Variants in SCFD2 observed in about 807,000 individuals in gnomAD.
SCFD2 encodes the protein sec1 family domain-containing protein 2.
Under a neutral mutation model 58.9 loss-of-function variants are expected in SCFD2, and 54 were observed. The ratio of observed to expected loss-of-function variants is 0.92; its 90% CI spans 0.74 to 1.15. The LOEUF is 1.15. SCFD2 is among the 50% of genes most tolerant of loss of function. The pLI, the probability that SCFD2 is intolerant of heterozygous loss-of-function variation, is 0.00. For missense variants in SCFD2, 805 were observed against 836.6 expected, an observed-to-expected ratio of 0.96 and a Z score of 0.47; for synonymous variants, 321 against 335.9, an observed-to-expected ratio of 0.96 and a Z score of 0.49.
intron 5 of SCFD2, among the ~76,000 whole-genome samples, chr4:53,042,829 C>T (rs1722933541): frequency 6.6e-6 from 1 of 152,086 alleles, no homozygotes; most frequent in South Asian, 2.1e-4. Context: ...GGAGCAGCCT[C>T]CTGTAGTTTC....
chr4:52,946,671 T>G (rs925534760), intron 5 of SCFD2, among the ~76,000 whole-genome samples: 8 of 152,188 alleles, frequency 5.3e-5, no homozygotes, highest in African/African-American at 1.9e-4. Flanking sequence ...AAGCCACTTA[T>G]TTTAATTTCT....
intron 5 of SCFD2, among the ~76,000 whole-genome samples, chr4:53,126,376 C>A (rs979736162): frequency 6.6e-6 from 1 of 152,180 alleles, no homozygotes; most frequent in South Asian, 2.1e-4. Flanking sequence ...AGTGCAGTGG[C>A]GTGATCTCGG....
At chr4:53,249,345 G>C (rs1319820974) in intron 4 of SCFD2, among the ~76,000 whole-genome samples, 3 of 152,302 alleles carry the variant, frequency 2.0e-5, no homozygotes, top group South Asian at 2.1e-4. Context: ...GTACCTGAAA[G>C]TGACAGGGAG....
At chr4:53,339,112 T>A (rs1038273421) in intron 2 of SCFD2, among the ~76,000 whole-genome samples, 2 of 152,054 alleles carry the variant, frequency 1.3e-5, no homozygotes, top group Non-Finnish European at 2.9e-5. Context: ...ACAATGAACT[T>A]TTTTTCTTCA....
At chr4:53,061,336 G>A (rs919698977) in intron 5 of SCFD2, among the ~76,000 whole-genome samples, 5 of 152,048 alleles carry the variant, frequency 3.3e-5, no homozygotes, top group African/African-American at 7.2e-5. Context: ...AACAATGCTC[G>A]AGGATGGTAT....
intron 7 of SCFD2, among the ~76,000 whole-genome samples, chr4:52,897,686 G>T (rs576330509): frequency 6.6e-4 from 101 of 152,250 alleles, no homozygotes; most frequent in African/African-American, 2.3e-3. Context: ...AGTTAGGGAG[G>T]ATTCCCTCTT....
At chr4:53,033,929 C>A (rs529582701) in intron 5 of SCFD2, among the ~76,000 whole-genome samples, 134 of 152,202 alleles carry the variant, frequency 8.8e-4, no homozygotes, top group African/African-American at 3.1e-3. Context: ...TTCCAAGCAA[C>A]AGAAATAGAG....
intron 1 of SCFD2, among the ~76,000 whole-genome samples, chr4:53,355,536 A>G (rs1283674717): frequency 6.6e-6 from 1 of 152,182 alleles, no homozygotes; most frequent in Non-Finnish European, 1.5e-5. Flanking sequence ...AGTAGCTACC[A>G]TATATTGAGG....
intron 5 of SCFD2, among the ~76,000 whole-genome samples, chr4:53,102,377 C>T (rs1288864851): frequency 1.3e-5 from 2 of 151,928 alleles, no homozygotes; most frequent in Non-Finnish European, 2.9e-5. Context: ...ACTAAAAATC[C>T]AGATGCAGTT....
chr4:53,328,616 A>G (rs1174721732), intron 2 of SCFD2, among the ~76,000 whole-genome samples: 8 of 152,354 alleles, frequency 5.3e-5, no homozygotes, highest in Admixed American at 5.2e-4. Flanking sequence ...ATACATGCGG[A>G]GAACAGACAG....
intron 5 of SCFD2, among the ~76,000 whole-genome samples, chr4:52,952,379 G>A (rs543054242): frequency 6.6e-6 from 1 of 151,516 alleles, no homozygotes; most frequent in South Asian, 2.1e-4. Context: ...TCTAAAGGCA[G>A]CTGCCCTCCT....
intron 4 of SCFD2, among the ~76,000 whole-genome samples, chr4:53,211,035 G>A (rs1420282037): frequency 6.6e-6 from 1 of 151,950 alleles, no homozygotes; most frequent in Non-Finnish European, 1.5e-5. Context: ...ATGAGGTCAG[G>A]AGATCAAGAC....
chr4:53,267,597 G>A (rs1005539881), intron 4 of SCFD2, among the ~76,000 whole-genome samples: 7 of 152,116 alleles, frequency 4.6e-5, no homozygotes, highest in African/African-American at 1.7e-4. Context: ...GAGATTGGGC[G>A]GAGGCAAAGG....
chr4:53,282,866 T>A (rs1731548636), intron 3 of SCFD2, among the ~76,000 whole-genome samples: 1 of 152,174 alleles, frequency 6.6e-6, no homozygotes, highest in Non-Finnish European at 1.5e-5. Flanking sequence ...GAGCGATGGA[T>A]GAGTACTAAT....
chr4:52,927,365 C>T (rs555919393), intron 5 of SCFD2, among the ~76,000 whole-genome samples: 1 of 151,334 alleles, frequency 6.6e-6, no homozygotes, highest in East Asian at 1.9e-4. Flanking sequence ...CATTATTTAC[C>T]ATGTAAGATT....
intron 3 of SCFD2, among the ~76,000 whole-genome samples, chr4:53,297,088 G>A (rs938350992): frequency 6.6e-6 from 1 of 152,160 alleles, no homozygotes; most frequent in Non-Finnish European, 1.5e-5. Flanking sequence ...TCAGTGTGGT[G>A]TGGTGCTGAG....
intron 5 of SCFD2, among the ~76,000 whole-genome samples, chr4:53,056,776 G>T (rs909890085): frequency 1.3e-5 from 2 of 152,122 alleles, no homozygotes; most frequent in African/African-American, 4.8e-5. Context: ...TTGGAACACA[G>T]TGATGAAAGA....
rs540368174 is a variant in SCFD2, at chr4:53,096,616, C to G, written c.1561+48717G>C. On this transcript the variant is annotated intron_variant, in intron 5 of 8. Coordinates refer to ENST00000401642, the MANE Select transcript of SCFD2 (RefSeq NM_152540.4). ...TTCTTTGTAGATTCTGGATATTAGC[C>G]CTTTGTCAGATGAGTAGATTGCAAA... 3.1e-3 allele frequency among the ~76,000 whole-genome samples: 476 copies of G among 152,140 alleles called. 1 individual carries two copies. Among genetic ancestry groups the G allele is most frequent in the African/African-American group, 0.011 (442 of 41,492 alleles).
chr4:53,241,645 C>G (rs1729896936), intron 4 of SCFD2, among the ~76,000 whole-genome samples: 1 of 152,240 alleles, frequency 6.6e-6, no homozygotes, highest in Non-Finnish European at 1.5e-5. Context: ...ATCGCTTTGC[C>G]AGCACATGTG....
Sources: gnomAD v4.1 joint callset for allele counts (sites outside exome capture counted in the v4.1 genomes callset) on GRCh38, gnomAD v4.1.1 for gene constraint, MANE v1.5 for transcripts, NCBI Gene and HGNC (gene_info 2026-07-23, HGNC 2026-07-21) for gene names.